The following NELL1 variants were observed in gnomAD, a reference collection of about 807,000 sequenced individuals.
NELL1 encodes protein kinase C-binding protein NELL1.
NELL1 carries 76 observed loss-of-function variants against 107.4 expected under a neutral mutation model. The ratio of observed to expected loss-of-function variants is 0.71; its 90% CI spans 0.59 to 0.86. The LOEUF (loss-of-function observed/expected upper bound fraction) is 0.86, where lower values mean the gene tolerates loss of function less well. Ranked by LOEUF, NELL1 falls within the 40% of genes least tolerant of loss-of-function variation. The pLI is 0.00. For missense variants in NELL1, 1,024 were observed against 1,005.5 expected, an observed-to-expected ratio of 1.02 and a Z score of -0.25; for synonymous variants, 353 against 341.2, an observed-to-expected ratio of 1.03 and a Z score of -0.38.
intron 1 of NELL1, among the ~76,000 whole-genome samples, chr11:20,675,113 A>C (rs10833376): frequency 0.15 from 22,356 of 152,120 alleles, 1,761 homozygotes; most frequent in African/African-American, 0.18. Context: ...ACATGTTCTT[A>C]TCATGATGTG....
chr11:21,526,649 C>T (rs1165756892), intron 15 of NELL1, among the ~76,000 whole-genome samples: 1 of 152,198 alleles, frequency 6.6e-6, no homozygotes, highest in Non-Finnish European at 1.5e-5. Flanking sequence ...GTTCCCAAAC[C>T]TCAATTCTTG....
In NELL1 at chr11:21,319,815, T is replaced by C. The variant is rs894180838; in HGVS notation, c.1550-51038T>C. On this transcript the variant is annotated intron_variant, in intron 14 of 19. Coordinates refer to ENST00000357134, the MANE Select transcript of NELL1 (RefSeq NM_006157.5). ...ATACATTTACTGAACAGAATTGATA[T>C]AGGTAATGTGGAAGGTTCAGCTCAT... Among the ~76,000 whole-genome samples the C allele has an allele frequency of 1.8e-4, 27 of 151,840 alleles. 1 individual carries two copies. Among genetic ancestry groups the C allele is most frequent in the African/African-American group, 6.1e-4 (25 of 41,244 alleles).
intron 15 of NELL1, among the ~76,000 whole-genome samples, chr11:21,502,731 C>A (rs1318140829): frequency 1.3e-5 from 2 of 152,142 alleles, no homozygotes; most frequent in African/African-American, 4.8e-5. Context: ...TGGTTATACA[C>A]ACATCATTGT....
chr11:21,384,450 T>G (rs1233595255), intron 15 of NELL1, among the ~76,000 whole-genome samples: 1 of 151,968 alleles, frequency 6.6e-6, no homozygotes, highest in Non-Finnish European at 1.5e-5. Context: ...TTACATTTAT[T>G]TATTTATTAT....
intron 15 of NELL1, among the ~76,000 whole-genome samples, chr11:21,435,899 T>G (rs1220388294): frequency 2.6e-5 from 4 of 152,124 alleles, no homozygotes; most frequent in Admixed American, 2.0e-4. Flanking sequence ...ATCTTTAGAA[T>G]AGTATAAGAA....
At chr11:21,389,642 C>G (rs1851823848) in intron 15 of NELL1, among the ~76,000 whole-genome samples, 1 of 151,736 alleles carries the variant, frequency 6.6e-6, no homozygotes. Context: ...GTCAGTTTTC[C>G]TGTTTTTAAA....
At chr11:20,727,176 T>A (rs1855526732) in intron 2 of NELL1, among the ~76,000 whole-genome samples, 2 of 152,210 alleles carry the variant, frequency 1.3e-5, no homozygotes, top group African/African-American at 4.8e-5. Context: ...CTCCACACTG[T>A]CTTCCACAAT....
intron 8 of NELL1, among the ~76,000 whole-genome samples, 183 bp downstream of exon 8, chr11:20,927,625 G>A (rs1433833480): frequency 6.6e-6 from 1 of 152,150 alleles, no homozygotes; most frequent in African/African-American, 2.4e-5. Context: ...TGTCTTATAT[G>A]AATACTTGGA....
intron 4 of NELL1, among the ~76,000 whole-genome samples, chr11:20,861,590 C>T (rs543345410): frequency 6.6e-6 from 1 of 152,256 alleles, no homozygotes; most frequent in South Asian, 2.1e-4. Context: ...TAGGTGAGAC[C>T]ACGGCAATTA....
intron 12 of NELL1, among the ~76,000 whole-genome samples, chr11:20,972,799 G>T (rs980653824): frequency 1.3e-5 from 2 of 152,100 alleles, no homozygotes; most frequent in African/African-American, 2.4e-5. Flanking sequence ...AATCTTTCTG[G>T]TTTCAGTGGG....
At chr11:21,242,108 A>G (rs1214278056) in intron 14 of NELL1, among the ~76,000 whole-genome samples, 2 of 150,906 alleles carry the variant, frequency 1.3e-5, no homozygotes, top group Non-Finnish European at 3.0e-5. Context: ...TTACGGTAAA[A>G]TGATGAACAC....
At chr11:21,102,206 G>C (rs368719953) in intron 12 of NELL1, among the ~76,000 whole-genome samples, 5 of 152,242 alleles carry the variant, frequency 3.3e-5, no homozygotes, top group African/African-American at 1.2e-4. Context: ...TCCCTAAGGA[G>C]TCTTTTAAAC....
At chr11:21,123,867 A>G (rs546439451) in intron 13 of NELL1, among the ~76,000 whole-genome samples, 23 of 152,346 alleles carry the variant, frequency 1.5e-4, no homozygotes, top group African/African-American at 5.5e-4. Flanking sequence ...CATAATGCAT[A>G]TTAAAATAAT....
chr11:20,778,840 A>C (rs1369713138), intron 2 of NELL1, among the ~76,000 whole-genome samples: 2 of 152,208 alleles, frequency 1.3e-5, no homozygotes, highest in Admixed American at 6.5e-5. Flanking sequence ...TAAAATATCT[A>C]GGAGGAAACA....
At chr11:20,900,708 A>C (rs2134131361) in intron 5 of NELL1, among the ~76,000 whole-genome samples, 1 of 152,300 alleles carries the variant, frequency 6.6e-6, no homozygotes, top group East Asian at 1.9e-4. Context: ...ATTAGATTAA[A>C]AAATTTAAAC....
intron 9 of NELL1, among the ~76,000 whole-genome samples, chr11:20,935,461 G>T (rs1850704619): frequency 6.6e-6 from 1 of 152,100 alleles, no homozygotes; most frequent in Non-Finnish European, 1.5e-5. Context: ...TAGAACATAT[G>T]TGGAGGTGTG....
intron 2 of NELL1, among the ~76,000 whole-genome samples, chr11:20,742,044 G>A (rs986758315): frequency 3.3e-5 from 5 of 152,220 alleles, no homozygotes; most frequent in Admixed American, 2.0e-4. Context: ...AAGGGTTAGA[G>A]GACAAGAAAC....
chr11:20,719,049 T>A (rs1295171990), intron 2 of NELL1, among the ~76,000 whole-genome samples: 1 of 152,206 alleles, frequency 6.6e-6, no homozygotes, highest in East Asian at 1.9e-4. Context: ...TAGAAGTGTA[T>A]CCCTTTTGCT....
chr11:21,120,300 T>G lies in NELL1; in HGVS notation c.1426+6586T>G, dbSNP rs192407992. Among the ~76,000 whole-genome samples the G allele has an allele frequency of 3.0e-3, 463 of 152,272 alleles. 4 individuals carry two copies. Among genetic ancestry groups the G allele is most frequent in the African/African-American group, 0.011 (443 of 41,568 alleles). ...GTCTCTGGAATATGCTTTACTCCCA[T>G]GATGAACTATACAAATATTTTTGAT... On this transcript the variant is annotated intron_variant, in intron 13 of 19. Coordinates refer to ENST00000357134, the MANE Select transcript of NELL1 (RefSeq NM_006157.5).
Sources: allele counts gnomAD v4.1 joint callset (sites outside exome capture counted in the v4.1 genomes callset), GRCh38; gene constraint gnomAD v4.1.1; transcripts MANE v1.5; gene names NCBI Gene and HGNC (gene_info 2026-07-23, HGNC 2026-07-21).